Variants in SLC2A14 observed in about 807,000 individuals in gnomAD.
SLC2A14 encodes the protein solute carrier family 2 member 14, also known as solute carrier family 2, facilitated glucose transporter member 14.
A neutral mutation model predicts 43.0 loss-of-function variants in SLC2A14; 13 were observed. That is an observed-to-expected ratio of 0.30 (90% CI 0.20 to 0.48). The LOEUF is 0.48. Among genes scored for constraint, SLC2A14 ranks in the 20% least tolerant of loss-of-function variants. The probability of loss-of-function intolerance (pLI) is 0.99; values close to 1 mark genes in which losing one functional copy is unlikely to be tolerated. For synonymous variants in SLC2A14, 190 were observed against 233.8 expected (o/e 0.81, Z 1.71); for missense variants, 428 against 620.4 (o/e 0.69, Z 3.29).
chr12:7,885,321 C>T (rs982029140), intron 1 of SLC2A14, among the ~76,000 whole-genome samples: 2 of 152,090 alleles, frequency 1.3e-5, no homozygotes, highest in Non-Finnish European at 2.9e-5. Flanking sequence ...ACAAATTAGC[C>T]AGGGGTGGTG....
intron 2 of SLC2A14, among the ~76,000 whole-genome samples, chr12:7,837,204 G>T (rs116340039): frequency 6.6e-6 from 1 of 151,930 alleles, no homozygotes; most frequent in Admixed American, 6.6e-5. Flanking sequence ...CTAACTTGTG[G>T]TAATAATTTC....
chr12:7,883,640 G>A (rs1945634225), intron 1 of SLC2A14, among the ~76,000 whole-genome samples: 1 of 132,610 alleles, frequency 7.5e-6, no homozygotes, highest in South Asian at 2.4e-4. Context: ...CTGTCACCAG[G>A]CTGGAGTGCA....
Position 7,890,235 on chromosome 12 carries a change from G to C in SLC2A14, c.132+761C>G, listed in dbSNP as rs954756938. Reference sequence around the variant, plus strand: ...GCTCTGATAGTAATCTGCTCACTAAGTGTTAGTTGCCGTGTTCTCTGCCAC... The same window carrying C: ...GCTCTGATAGTAATCTGCTCACTAACTGTTAGTTGCCGTGTTCTCTGCCAC... On this transcript the variant is annotated intron_variant, in intron 1 of 9. Transcript: ENST00000539924. 5.3e-5 allele frequency among the ~76,000 whole-genome samples: 8 copies of C among 151,818 alleles called. No individual in the cohort carries two copies. The East Asian group carries it at 1.6e-3, about 30-fold the overall frequency.
At chr12:7,874,780 A>AATATGT (rs2121086099), upstream of SLC2A14, among the ~76,000 whole-genome samples, 1 of 4,554 alleles carries the variant, frequency 2.2e-4, no homozygotes, top group South Asian at 0.083. Context: ...AACATATATA[A>AATATGT]ATATATAAAT....
chr12:7,870,764 A>C, intron 1 of SLC2A14: 5 of 754,820 alleles, frequency 6.6e-6, no homozygotes, highest in Non-Finnish European at 8.6e-6. Flanking sequence ...CTTTTAACTC[A>C]AATAAATATA....
intron 1 of SLC2A14, chr12:7,890,897 A>T (rs762865037): frequency 7.4e-7 from 1 of 1,356,390 alleles, no homozygotes; most frequent in African/African-American, 1.5e-5. Context: ...CACTGTGCTG[A>T]TTAAGAGAGA....
At chr12:7,827,459 T>C in intron 7 of SLC2A14, 36 bp downstream of exon 7, 2 of 1,604,034 alleles carry the variant, frequency 1.2e-6, no homozygotes, top group African/African-American at 1.3e-5. Context: ...AGTGAAATAT[T>C]GTAAGACACG....
At chr12:7,860,603 GC>G (rs759393548) in intron 2 of SLC2A14, 4 of 152,310 alleles carry the variant, frequency 2.6e-5, no homozygotes, top group Non-Finnish European at 5.9e-5. Context: ...CAGTTGGAAT[GC>G]CAAGACTCCA....
intron 9 of SLC2A14, 99 bp from the exon 10 acceptor site, chr12:7,818,133 C>T (rs897734031): frequency 1.9e-5 from 20 of 1,048,336 alleles, no homozygotes; most frequent in East Asian, 1.0e-4. Context: ...CCTGTCCTGA[C>T]GTACAATACA....
chr12:7,871,562 T>C (rs1403601658), intron 1 of SLC2A14, among the ~76,000 whole-genome samples: 1 of 151,770 alleles, frequency 6.6e-6, no homozygotes, highest in Non-Finnish European at 1.5e-5. Flanking sequence ...CTGAGGCAGG[T>C]GTTCTCACTG....
intron 7 of SLC2A14, among the ~76,000 whole-genome samples, chr12:7,826,565 A>T (rs1470984726): frequency 1.3e-5 from 2 of 152,216 alleles, no homozygotes; most frequent in African/African-American, 4.8e-5. Flanking sequence ...GGGATGAAGT[A>T]CAAGGGTGCT....
chr12:7,871,668 A>G (rs1407676581), intron 1 of SLC2A14, among the ~76,000 whole-genome samples: 3 of 152,066 alleles, frequency 2.0e-5, no homozygotes, highest in African/African-American at 7.2e-5. Context: ...ACTGAGAGAA[A>G]GCCCCCAAGA....
chr12:7,868,006 A>G (rs148104849), intron 2 of SLC2A14, among the ~76,000 whole-genome samples: 8 of 152,170 alleles, frequency 5.3e-5, no homozygotes, highest in African/African-American at 1.9e-4. Flanking sequence ...ATTATGAAAG[A>G]AGTTCTACTT....
chr12:7,818,589 G>A (rs1284394379), intron 9 of SLC2A14, among the ~76,000 whole-genome samples: 4 of 152,096 alleles, frequency 2.6e-5, no homozygotes, highest in Non-Finnish European at 4.4e-5. Flanking sequence ...TGAAGCCTGG[G>A]AGGCAGAGAT....
intron 2 of SLC2A14, among the ~76,000 whole-genome samples, chr12:7,865,816 G>A (rs1944875194): frequency 6.6e-6 from 1 of 152,144 alleles, no homozygotes. Context: ...CAAAAGCCAA[G>A]AGAAGCCAAA....
At chr12:7,821,048 C>T (rs1374101157) in intron 8 of SLC2A14, among the ~76,000 whole-genome samples, 173 bp downstream of exon 8, 1 of 152,100 alleles carries the variant, frequency 6.6e-6, no homozygotes, top group African/African-American at 2.4e-5. Flanking sequence ...GATTGCACCA[C>T]TGCACTCCAG....
chr12:7,862,435 G>A (rs771440589), intron 2 of SLC2A14, among the ~76,000 whole-genome samples: 129 of 152,208 alleles, frequency 8.5e-4, no homozygotes, highest in African/African-American at 2.2e-3. Flanking sequence ...GGCAGGGCTC[G>A]GGACCTGCAG....
At chr12:7,885,370 C>T (rs929047900) in intron 1 of SLC2A14, among the ~76,000 whole-genome samples, 2 of 152,120 alleles carry the variant, frequency 1.3e-5, no homozygotes, top group South Asian at 2.1e-4. Flanking sequence ...GACGCTGAGG[C>T]GGGAGAATCG....
intron 2 of SLC2A14, chr12:7,850,632 G>C (rs1866858146): frequency 6.6e-6 from 1 of 152,178 alleles, no homozygotes; most frequent in South Asian, 2.1e-4. Context: ...TTGACCTCGT[G>C]ATCCACCCAC....
Sources: gnomAD v4.1 joint callset for allele counts (sites outside exome capture counted in the v4.1 genomes callset) on GRCh38, gnomAD v4.1.1 for gene constraint, MANE v1.5 for transcripts, NCBI Gene and HGNC (gene_info 2026-07-23, HGNC 2026-07-21) for gene names.